AR: variants seen among roughly 807,000 people sequenced by gnomAD.
The protein encoded by AR is dihydrotestosterone receptor.
AR carries 8 observed loss-of-function variants against 53.9 expected under a neutral mutation model. That is an observed-to-expected ratio of 0.15 (90% confidence interval 0.09 to 0.27). The LOEUF (loss-of-function observed/expected upper bound fraction) is 0.27, where lower values mean the gene tolerates loss of function less well. Among genes scored for constraint, AR ranks in the 10% least tolerant of loss-of-function variants. AR has a pLI of 1.00. For synonymous variants in AR, 359 were observed against 316.4 expected, an observed-to-expected ratio of 1.13 and a Z score of -1.43; for missense variants, 639 against 742.5, an observed-to-expected ratio of 0.86 and a Z score of 1.62.
intron 2 of AR, among the ~76,000 whole-genome samples, chrX:67,670,965 G>C (rs2075861512): frequency 8.9e-6 from 1 of 111,863 alleles, no homozygotes; most frequent in South Asian, 3.7e-4. Context: ...GTATTCCATG[G>C]TGTATATGTG....
chrX:67,656,621 A>G, intron 2 of AR, among the ~76,000 whole-genome samples: 1 of 111,855 alleles, frequency 8.9e-6, no homozygotes, highest in Non-Finnish European at 1.9e-5. Context: ...GATAGTAGAT[A>G]CTCTTACTAC....
intron 2 of AR, among the ~76,000 whole-genome samples, chrX:67,657,215 A>G (rs1926635149): frequency 9.0e-6 from 1 of 111,240 alleles, no homozygotes; most frequent in African/African-American, 3.3e-5. Context: ...ATACCAGGAT[A>G]TTTCAGGGGC....
chrX:67,730,322 G>A lies in AR; in HGVS notation c.*6481G>A, dbSNP rs758929759. 3.4e-5 allele frequency: 6 copies of A among 173,990 alleles called. No homozygotes were observed. The highest frequency in any genetic ancestry group is 1.8e-4 in the African/African-American group (6 of 34,025). 14.3% of individuals were successfully genotyped at this position (173,990 alleles called of 1,213,427 possible). A position where few individuals can be genotyped will look rare whatever the true frequency, so the allele number is the denominator to read the frequency against. On this transcript the variant is annotated 3_prime_UTR_variant, in exon 8 of 8. Coordinates refer to ENST00000374690, the MANE Select transcript of AR (RefSeq NM_000044.6). ...AGCAGGACCAGCTCCAAGCGCTAGT[G>A]TTCTGTTCTCTTTTTGTAATCTTGG...
chrX:67,561,414 A>C (rs1325388595), intron 1 of AR, among the ~76,000 whole-genome samples: 1 of 112,210 alleles, frequency 8.9e-6, no homozygotes, highest in Non-Finnish European at 1.9e-5. Flanking sequence ...GACACAGTAA[A>C]AATAACAATT....
intron 1 of AR, among the ~76,000 whole-genome samples, chrX:67,557,292 A>G (rs778584841): frequency 9.0e-6 from 1 of 111,301 alleles, no homozygotes; most frequent in Non-Finnish European, 1.9e-5. Flanking sequence ...TTACTGACAG[A>G]TTGGATATTC....
At chrX:67,607,609 G>A (rs750844145) in intron 1 of AR, among the ~76,000 whole-genome samples, 8 of 111,837 alleles carry the variant, frequency 7.2e-5, no homozygotes, top group Non-Finnish European at 1.5e-4. Context: ...TACCTCACAG[G>A]GTTATTGTGA....
At chrX:67,604,369 A>G (rs1923529365) in intron 1 of AR, among the ~76,000 whole-genome samples, 1 of 110,052 alleles carries the variant, frequency 9.1e-6, no homozygotes, top group South Asian at 4.0e-4. Flanking sequence ...TTCCCTGGGC[A>G]TCACCACATT....
rs1224619944 is a variant in AR at position 67,620,171 on chromosome X, TTGGCTGAAC to T, written c.1617-23084_1617-23076del. 7.2e-5 allele frequency among the ~76,000 whole-genome samples: 8 copies of T among 111,205 alleles called. No individual in the cohort carries two copies. In the East Asian group the frequency reaches 2.0e-3, roughly 28 times the overall value. ...TTGGGTTTCTGAAGCCCTCAGACAC[TTGGCTGAAC>T]ATTTTTCACATTTCTTAAGCTATAT... On this transcript the variant is annotated intron_variant, in intron 1 of 7. Transcript: ENST00000374690.
chrX:67,669,993 AAAT>A (rs1271806007), intron 2 of AR, among the ~76,000 whole-genome samples: 5 of 102,595 alleles, frequency 4.9e-5, no homozygotes, highest in African/African-American at 1.7e-4. Context: ...AATATTTTTA[AAAT>A]AATACTATTT....
chrX:67,548,179 C>T (rs1022529466), intron 1 of AR, among the ~76,000 whole-genome samples: 12 of 112,045 alleles, frequency 1.1e-4, no homozygotes, highest in African/African-American at 3.9e-4. Context: ...TTCACTGATG[C>T]TTTCCTTCTT....
chrX:67,670,586 A>G (rs766995186), intron 2 of AR, among the ~76,000 whole-genome samples: 28 of 107,390 alleles, frequency 2.6e-4, no homozygotes, highest in African/African-American at 9.4e-4. Flanking sequence ...TAAAGCATAT[A>G]TATAGTATGT....
At position 67,721,853 on chromosome X, in the gene AR, G is replaced by A. The variant is rs768366293; in HGVS notation, c.2339G>A (p.Arg780Gln). 16 of 1,208,140 alleles carry A rather than the reference G, an allele frequency of 1.3e-5. No individual in the cohort carries two copies. The Middle Eastern group carries it at 9.2e-4, about 69-fold the overall frequency. ...VFNEYRMHKS[R>Q]MYSQCVRMRH... ...CCCAGGTACCGCATGCACAAGTCCCGGATGTACAGCCAGTGTGTCCGAATG... is the reference window on the plus strand; with the variant it reads ...CCCAGGTACCGCATGCACAAGTCCCAGATGTACAGCCAGTGTGTCCGAATG... The change falls in exon 6 of 8, where the codon CGG (arginine) becomes CAG (glutamine). Residue 780 changes from arginine to glutamine, a missense_variant. By Grantham distance (43) the Arg-to-Gln change is conservative (BLOSUM62 1). Coordinates refer to ENST00000374690, the MANE Select transcript of AR (RefSeq NM_000044.6).
At chrX:67,624,249 T>C (rs1167602991) in intron 1 of AR, among the ~76,000 whole-genome samples, 1 of 111,672 alleles carries the variant, frequency 9.0e-6, no homozygotes, top group East Asian at 2.8e-4. Context: ...AACCATACTG[T>C]ATGCCAAAAA....
In AR at chrX:67,546,288, C is replaced by T. The variant is rs759045198; in HGVS notation, c.1142C>T (p.Pro381Leu). 13 of 1,204,090 alleles carry T rather than the reference C, an allele frequency of 1.1e-5. No homozygotes were observed. Among genetic ancestry groups the T allele is most frequent in the Non-Finnish European group, 1.3e-5 (12 of 891,986 alleles). The change falls in exon 1 of 8, where the codon CCC (proline) becomes CTC (leucine). Residue 381 changes from proline (P) to leucine (L), a missense_variant. Physicochemically the swap from Pro to Leu is moderately conservative, Grantham distance 98 (BLOSUM62 -3). This residue lies in a region of AR where 423 missense variants were observed against 377.0 expected (regional missense o/e 1.12). Coordinates refer to ENST00000374690, the MANE Select transcript of AR (RefSeq NM_000044.6). Reference sequence around the variant, plus strand: ...GGACCGCCGCCCCCTCCGCCGCCTCCCCATCCCCACGCTCGCATCAAGCTG... The same window carrying T: ...GGACCGCCGCCCCCTCCGCCGCCTCTCCATCCCCACGCTCGCATCAAGCTG... Reference protein sequence around the residue: ...LAGPPPPPPPPHPHARIKLEN... With the variant: ...LAGPPPPPPPLHPHARIKLEN...
At chrX:67,714,183 G>A in intron 4 of AR, among the ~76,000 whole-genome samples, 1 of 111,731 alleles carries the variant, frequency 9.0e-6, no homozygotes, top group African/African-American at 3.3e-5. Flanking sequence ...ATCTGGTTTG[G>A]AATCCTAGCT....
In AR at chrX:67,711,424, T is replaced by C; in HGVS notation, c.1908T>C (p.Gly636=). 8.4e-7 allele frequency: 1 copy of C among 1,196,163 alleles called. No homozygotes were observed. Among genetic ancestry groups the C allele is most frequent in the South Asian group, 1.8e-5 (1 of 54,666 alleles). The change falls in exon 4 of 8, where the codon GGT becomes GGC. Residue 636 remains glycine, a synonymous_variant. Transcript: ENST00000374690. ...TLGARKLKKL[G]NLKLQEEGEA... ...TAGCCCGGAAGCTGAAGAAACTTGG[T>C]AATCTGAAACTACAGGAGGAAGGAG...
At chrX:67,716,809 G>A (rs1488226804) in intron 4 of AR, among the ~76,000 whole-genome samples, 1 of 111,944 alleles carries the variant, frequency 8.9e-6, no homozygotes, top group Admixed American at 9.4e-5. Context: ...AAACAGCTTT[G>A]TGAAGTGAAA....
At chrX:67,573,791 C>A (rs947912314) in intron 1 of AR, among the ~76,000 whole-genome samples, 1 of 111,828 alleles carries the variant, frequency 8.9e-6, no homozygotes, top group African/African-American at 3.3e-5. Flanking sequence ...GAGTAAATAT[C>A]AATTTTGAAT....
chrX:67,546,890 C>A, intron 1 of AR, 128 bp downstream of exon 1: 1 of 780,170 alleles, frequency 1.3e-6, no homozygotes, highest in Non-Finnish European at 1.9e-6. Flanking sequence ...GCAGGGTAAA[C>A]CTAGAGCTCT....
Sources: allele counts gnomAD v4.1 joint callset (sites outside exome capture counted in the v4.1 genomes callset), GRCh38; gene constraint gnomAD v4.1.1; regional missense constraint gnomAD v4.1.1; transcripts MANE v1.5; gene names NCBI Gene and HGNC (gene_info 2026-07-23, HGNC 2026-07-21).